Variants in RABGAP1L observed in about 807,000 individuals in gnomAD.
RABGAP1L encodes rab GTPase-activating protein 1-like.
A neutral mutation model predicts 137.7 loss-of-function variants in RABGAP1L; 63 were observed. That is an observed-to-expected ratio of 0.46 (90% CI 0.37 to 0.56). The LOEUF (loss-of-function observed/expected upper bound fraction) is 0.56, where lower values mean the gene tolerates loss of function less well. Among genes scored for constraint, RABGAP1L ranks in the 20% least tolerant of loss-of-function variants. The probability of loss-of-function intolerance (pLI) is 0.00; values close to 1 mark genes in which losing one functional copy is unlikely to be tolerated. For synonymous variants in RABGAP1L, 431 were observed against 433.7 expected (o/e 0.99, Z 0.08); for missense variants, 1,095 against 1,244.0 (o/e 0.88, Z 1.80).
intron 13 of RABGAP1L, among the ~76,000 whole-genome samples, chr1:174,402,392 A>G (rs1023659138): frequency 1.3e-5 from 2 of 152,200 alleles, no homozygotes; most frequent in Admixed American, 6.5e-5. Context: ...TCATTTCTAT[A>G]TACTGTTCAT....
chr1:174,465,171 C>T (rs2149291906), intron 13 of RABGAP1L, among the ~76,000 whole-genome samples: 1 of 152,286 alleles, frequency 6.6e-6, no homozygotes, highest in East Asian at 1.9e-4. Flanking sequence ...TTCTTTAACA[C>T]ATTGCTAATT....
intron 17 of RABGAP1L, among the ~76,000 whole-genome samples, chr1:174,751,787 G>A (rs1304653317): frequency 1.3e-5 from 2 of 152,140 alleles, no homozygotes; most frequent in East Asian, 3.8e-4. Flanking sequence ...ATACTTGAAA[G>A]CAATTGCTAA....
intron 1 of RABGAP1L, among the ~76,000 whole-genome samples, chr1:174,179,250 T>C (rs1221539315): frequency 6.6e-6 from 1 of 152,150 alleles, no homozygotes; most frequent in Non-Finnish European, 1.5e-5. Context: ...ATTGACTGTG[T>C]TAGCTTGTTC....
Position 174,241,474 on chromosome 1 carries a change from G to A in RABGAP1L, c.543-9G>A, listed in dbSNP as rs1671824351. 3 of 1,500,572 alleles carry A rather than the reference G, an allele frequency of 2.0e-6. No individual in the cohort carries two copies. Among genetic ancestry groups the A allele is most frequent in the Non-Finnish European group, 2.7e-6 (3 of 1,117,342 alleles). The allele number at this position is 1,500,572 out of a possible 1,614,324, so 93.0% of individuals were successfully genotyped here. On this transcript the variant is annotated splice_polypyrimidine_tract_variant and intron_variant, in intron 4 of 25. Coordinates refer to ENST00000681986, the MANE Select transcript of RABGAP1L (RefSeq NM_001366446.1). ...ATATTTTATCTAACTTTTCATTACT[G>A]TTCTACAGAATTATAGACCAATCCA...
At chr1:174,250,423 A>T in intron 5 of RABGAP1L, 52 bp from the exon 6 acceptor site, 1 of 1,417,936 alleles carries the variant, frequency 7.1e-7, no homozygotes, top group Non-Finnish European at 9.7e-7. Context: ...GAAGGATATC[A>T]GAATGCAATT....
At chr1:174,598,390 A>T (rs989251186) in intron 13 of RABGAP1L, among the ~76,000 whole-genome samples, 1 of 150,258 alleles carries the variant, frequency 6.7e-6, no homozygotes, top group Non-Finnish European at 1.5e-5. Context: ...AAGCATATGT[A>T]TTCTGCAGCT....
At chr1:174,631,435 T>C (rs1673370742) in intron 13 of RABGAP1L, among the ~76,000 whole-genome samples, 1 of 102,468 alleles carries the variant, frequency 9.8e-6, no homozygotes, top group African/African-American at 6.6e-5. Flanking sequence ...TGAGTTCAAT[T>C]CCTGGGTATC....
intron 19 of RABGAP1L, among the ~76,000 whole-genome samples, chr1:174,848,771 C>A (rs528901108): frequency 0.061 from 9,037 of 148,390 alleles, 1,010 homozygotes; most frequent in African/African-American, 0.22. Flanking sequence ...TCGAGCTTCC[C>A]GGCTGCTTTG....
At chr1:174,957,413 A>G (rs544321282) in intron 19 of RABGAP1L, 44 bp from the exon 20 acceptor site, 2 of 1,493,762 alleles carry the variant, frequency 1.3e-6, no homozygotes, top group African/African-American at 2.8e-5. Context: ...TTTTTTTCAT[A>G]AATGGTGTCC....
At chr1:174,653,512 C>A (rs1291614554) in intron 14 of RABGAP1L, among the ~76,000 whole-genome samples, 1 of 152,150 alleles carries the variant, frequency 6.6e-6, no homozygotes, top group Non-Finnish European at 1.5e-5. Flanking sequence ...CTCATGGCTT[C>A]CCTTGGCTAG....
intron 19 of RABGAP1L, among the ~76,000 whole-genome samples, chr1:174,895,433 G>C (rs1002923572): frequency 4.1e-4 from 46 of 111,426 alleles, no homozygotes; most frequent in Non-Finnish European, 4.9e-4. Flanking sequence ...TTTTTTTTTT[G>C]CTTTTGGAAG....
chr1:174,334,214 T>A (rs1316619330), intron 11 of RABGAP1L, among the ~76,000 whole-genome samples: 3 of 152,228 alleles, frequency 2.0e-5, no homozygotes, highest in African/African-American at 4.8e-5. Context: ...CCACAAAATC[T>A]ACAGTCTTTT....
intron 19 of RABGAP1L, among the ~76,000 whole-genome samples, chr1:174,855,491 C>G (rs1649142642): frequency 6.6e-6 from 1 of 152,212 alleles, no homozygotes; most frequent in African/African-American, 2.4e-5. Context: ...TGCTACACAT[C>G]TTAATTTTGC....
intron 14 of RABGAP1L, among the ~76,000 whole-genome samples, chr1:174,670,884 A>G (rs1356077861): frequency 1.3e-5 from 2 of 151,980 alleles, no homozygotes; most frequent in Non-Finnish European, 2.9e-5. Flanking sequence ...CAATATACTC[A>G]TTTCCTTTCT....
chr1:174,207,053 C>CG (rs1668559707), intron 1 of RABGAP1L, among the ~76,000 whole-genome samples: 2 of 152,110 alleles, frequency 1.3e-5, no homozygotes, highest in Non-Finnish European at 2.9e-5. Flanking sequence ...ACCAGATTTT[C>CG]TATAATGCTG....
chr1:174,349,837 G>A (rs1402277036), intron 11 of RABGAP1L, among the ~76,000 whole-genome samples: 8 of 137,108 alleles, frequency 5.8e-5, no homozygotes, highest in East Asian at 2.5e-4. Context: ...CCTCCCAGAC[G>A]GGGCGGCTGG....
chr1:174,389,182 C>T (rs183115238), intron 12 of RABGAP1L, among the ~76,000 whole-genome samples: 66 of 152,092 alleles, frequency 4.3e-4, no homozygotes, highest in African/African-American at 1.5e-3. Context: ...TAATGTAGGT[C>T]GTATAACTTC....
chr1:174,726,689 C>T (rs540699454), intron 17 of RABGAP1L, among the ~76,000 whole-genome samples: 148 of 151,886 alleles, frequency 9.7e-4, no homozygotes, highest in African/African-American at 3.1e-3. Context: ...TTTGTCATTC[C>T]TTCTCTTATG....
At chr1:174,652,266 A>T (rs1010294660) in intron 14 of RABGAP1L, among the ~76,000 whole-genome samples, 2 of 151,978 alleles carry the variant, frequency 1.3e-5, no homozygotes, top group African/African-American at 4.8e-5. Flanking sequence ...GCTGCCCTTA[A>T]CATTTTTTCC....
Sources: gnomAD v4.1 joint callset for allele counts (sites outside exome capture counted in the v4.1 genomes callset) on GRCh38, gnomAD v4.1.1 for gene constraint, MANE v1.5 for transcripts, NCBI Gene and HGNC (gene_info 2026-07-23, HGNC 2026-07-21) for gene names.